CTNNA3: variants seen among roughly 807,000 people sequenced by gnomAD.
The protein encoded by CTNNA3 is catenin alpha-3.
In CTNNA3, 76 loss-of-function variants were observed where a neutral mutation model predicts 95.7. The ratio of observed to expected loss-of-function variants is 0.79; its 90% confidence interval spans 0.66 to 0.96. CTNNA3 has a LOEUF of 0.96. Among genes scored for constraint, CTNNA3 ranks in the 40% least tolerant of loss-of-function variants. The pLI is 0.00. For synonymous variants in CTNNA3, 431 were observed against 374.4 expected (o/e 1.15, Z -1.74); for missense variants, 1,191 against 1,089.8 (o/e 1.09, Z -1.31).
intron 13 of CTNNA3, among the ~76,000 whole-genome samples, chr10:66,122,318 A>G (rs983182697): frequency 6.6e-6 from 1 of 152,192 alleles, no homozygotes; most frequent in African/African-American, 2.4e-5. Flanking sequence ...AGAGAAAAAA[A>G]ATTACTTAAT....
At chr10:66,395,550 A>G (rs935669470) in intron 11 of CTNNA3, among the ~76,000 whole-genome samples, 3 of 152,078 alleles carry the variant, frequency 2.0e-5, no homozygotes, top group African/African-American at 4.8e-5. Flanking sequence ...ATATGGCTTA[A>G]AAGGTACCAT....
At chr10:66,754,586 G>C (rs181827432) in intron 9 of CTNNA3, among the ~76,000 whole-genome samples, 2 of 152,100 alleles carry the variant, frequency 1.3e-5, no homozygotes, top group Non-Finnish European at 2.9e-5. Flanking sequence ...AGAACCCACA[G>C]CATGGAAGAA....
intron 13 of CTNNA3, among the ~76,000 whole-genome samples, chr10:66,141,477 A>G (rs1033435699): frequency 6.6e-6 from 1 of 152,162 alleles, no homozygotes; most frequent in Non-Finnish European, 1.5e-5. Context: ...TCAAACAGTT[A>G]AACAATTGTT....
intron 7 of CTNNA3, among the ~76,000 whole-genome samples, chr10:66,890,760 A>G (rs942808512): frequency 2.0e-5 from 3 of 152,172 alleles, no homozygotes; most frequent in Admixed American, 2.0e-4. Flanking sequence ...TTTTAAGAAG[A>G]AAGATTTTGA....
intron 13 of CTNNA3, among the ~76,000 whole-genome samples, chr10:66,124,348 G>A (rs1029367773): frequency 6.6e-6 from 1 of 152,254 alleles, no homozygotes; most frequent in South Asian, 2.1e-4. Flanking sequence ...ATCTCCATCT[G>A]AGACCACCTC....
intron 9 of CTNNA3, among the ~76,000 whole-genome samples, chr10:66,722,364 C>T (rs945275440): frequency 3.7e-5 from 5 of 135,014 alleles, no homozygotes; most frequent in African/African-American, 1.1e-4. Flanking sequence ...GACGACAGAG[C>T]GAGACCCTGT....
intron 7 of CTNNA3, among the ~76,000 whole-genome samples, chr10:67,053,528 A>G (rs1334063707): frequency 6.6e-6 from 1 of 152,182 alleles, no homozygotes; most frequent in Non-Finnish European, 1.5e-5. Flanking sequence ...CTTGAAATAG[A>G]GTTAGCATTA....
At chr10:65,963,361 T>C (rs182544279) in intron 17 of CTNNA3, among the ~76,000 whole-genome samples, 38 of 152,228 alleles carry the variant, frequency 2.5e-4, no homozygotes, top group Admixed American at 1.2e-3. Context: ...CTTCCCTATC[T>C]CTGTTTTATT....
intron 7 of CTNNA3, among the ~76,000 whole-genome samples, chr10:67,064,838 C>A (rs1855971167): frequency 6.6e-6 from 1 of 152,268 alleles, no homozygotes; most frequent in South Asian, 2.1e-4. Context: ...GTCAGAGGGA[C>A]AGATGAATTC....
chr10:67,113,423 G>A (rs553822488), intron 7 of CTNNA3, among the ~76,000 whole-genome samples: 24 of 152,114 alleles, frequency 1.6e-4, no homozygotes, highest in East Asian at 1.2e-3. Context: ...CACACAGCAC[G>A]CCACTCTTCT....
At chr10:67,355,541 A>C (rs1589208416) in intron 5 of CTNNA3, among the ~76,000 whole-genome samples, 2 of 151,844 alleles carry the variant, frequency 1.3e-5, no homozygotes, top group African/African-American at 2.4e-5. Context: ...TGTAAGCACA[A>C]AAAAAAAGGT....
chr10:67,204,339 T>C (rs1417061755), intron 6 of CTNNA3, among the ~76,000 whole-genome samples: 2 of 151,482 alleles, frequency 1.3e-5, no homozygotes, highest in African/African-American at 4.9e-5. Context: ...TGAGTTTTCA[T>C]GAGATCTGCT....
At chr10:67,170,281 A>G (rs1861959716) in intron 7 of CTNNA3, among the ~76,000 whole-genome samples, 1 of 152,188 alleles carries the variant, frequency 6.6e-6, no homozygotes, top group Admixed American at 6.5e-5. Flanking sequence ...TACATACCCA[A>G]AGGAATATAA....
At chr10:67,754,110 C>T (rs1841421271) in intron 1 of CTNNA3, among the ~76,000 whole-genome samples, 2 of 152,122 alleles carry the variant, frequency 1.3e-5, no homozygotes, top group African/African-American at 4.8e-5. Context: ...GTGGTACATA[C>T]ACACCATGGA....
At chr10:67,135,174 T>C (rs962544719) in intron 7 of CTNNA3, among the ~76,000 whole-genome samples, 1 of 152,104 alleles carries the variant, frequency 6.6e-6, no homozygotes, top group African/African-American at 2.4e-5. Flanking sequence ...AGTTCATTAA[T>C]GAATATGGGT....
chr10:67,643,663 T>A (rs1304632880), intron 2 of CTNNA3, among the ~76,000 whole-genome samples: 1 of 151,974 alleles, frequency 6.6e-6, no homozygotes, highest in African/African-American at 2.4e-5. Context: ...TAGGTATTTC[T>A]CCTAATGCTA....
intron 4 of CTNNA3, among the ~76,000 whole-genome samples, chr10:67,523,640 A>ATTT (rs1840051603): frequency 6.6e-6 from 1 of 152,210 alleles, no homozygotes; most frequent in East Asian, 1.9e-4. Context: ...AGAAGACGTA[A>ATTT]GACAATTTGA....
chr10:65,978,581 T>A (rs1316071084), intron 16 of CTNNA3, among the ~76,000 whole-genome samples: 5 of 152,070 alleles, frequency 3.3e-5, no homozygotes, highest in Admixed American at 6.6e-5. Flanking sequence ...AATTCTAACA[T>A]CCAGCTCTGT....
At chr10:66,971,158 T>G (rs1378670628) in intron 7 of CTNNA3, among the ~76,000 whole-genome samples, 1 of 152,174 alleles carries the variant, frequency 6.6e-6, no homozygotes, top group Non-Finnish European at 1.5e-5. Flanking sequence ...CTGGGTGTGG[T>G]GGCTCACGCC....
Sources: gnomAD v4.1 joint callset for allele counts (sites outside exome capture counted in the v4.1 genomes callset) on GRCh38, gnomAD v4.1.1 for gene constraint, MANE v1.5 for transcripts, NCBI Gene and HGNC (gene_info 2026-07-23, HGNC 2026-07-21) for gene names.